CEP70: variants seen among roughly 807,000 people sequenced by gnomAD.
CEP70 encodes centrosomal protein of 70 kDa.
CEP70 carries 70 observed loss-of-function variants against 90.9 expected under a neutral mutation model. That is an observed-to-expected ratio of 0.77 (90% CI 0.64 to 0.94). The LOEUF is 0.94. Ranked by LOEUF, CEP70 falls within the 40% of genes least tolerant of loss-of-function variation. The probability of loss-of-function intolerance (pLI) is 0.00; values close to 1 mark genes in which losing one functional copy is unlikely to be tolerated. For synonymous variants in CEP70, 220 were observed against 228.3 expected, an observed-to-expected ratio of 0.96 and a Z score of 0.33; for missense variants, 648 against 669.0, an observed-to-expected ratio of 0.97 and a Z score of 0.35.
intron 6 of CEP70, among the ~76,000 whole-genome samples, chr3:138,538,713 C>T (rs1417548845): frequency 1.3e-5 from 2 of 152,116 alleles, no homozygotes; most frequent in Non-Finnish European, 2.9e-5. Context: ...TTCTTCAGAT[C>T]AAGAATCCTT....
intron 11 of CEP70, among the ~76,000 whole-genome samples, chr3:138,522,486 TAAA>T (rs1199094401): frequency 6.6e-6 from 1 of 151,336 alleles, no homozygotes; most frequent in Non-Finnish European, 1.5e-5. Flanking sequence ...GCAAGACTAA[TAAA>T]GAAGAAAAGA....
At chr3:138,543,432 C>T (rs2038923559) in intron 6 of CEP70, among the ~76,000 whole-genome samples, 1 of 152,244 alleles carries the variant, frequency 6.6e-6, no homozygotes, top group Non-Finnish European at 1.5e-5. Flanking sequence ...TCACTCTACA[C>T]CAGAGTGGGT....
At chr3:138,522,663 G>A (rs962367535) in intron 11 of CEP70, among the ~76,000 whole-genome samples, 4 of 152,212 alleles carry the variant, frequency 2.6e-5, no homozygotes, top group South Asian at 4.1e-4. Flanking sequence ...ACCCTCCCAA[G>A]ACTAAACCAG....
At chr3:138,576,756 C>G (rs1414432896) in intron 2 of CEP70, among the ~76,000 whole-genome samples, 2 of 152,240 alleles carry the variant, frequency 1.3e-5, no homozygotes, top group Non-Finnish European at 2.9e-5. Context: ...AACTGTCTCT[C>G]AGACCACAGT....
intron 14 of CEP70, 83 bp from the exon 15 acceptor site, chr3:138,500,650 TC>T (rs1462167639): frequency 6.7e-7 from 1 of 1,498,102 alleles, no homozygotes; most frequent in African/African-American, 1.4e-5. Flanking sequence ...CAAATAGAAC[TC>T]TAGTAGAACA....
At chr3:138,566,082 T>C (rs2040765514) in intron 6 of CEP70, among the ~76,000 whole-genome samples, 1 of 152,142 alleles carries the variant, frequency 6.6e-6, no homozygotes, top group African/African-American at 2.4e-5. Context: ...AAAAAGCTCA[T>C]TATCACTGGT....
At chr3:138,544,549 G>GTA in intron 6 of CEP70, among the ~76,000 whole-genome samples, 3 of 151,118 alleles carry the variant, frequency 2.0e-5, no homozygotes, top group African/African-American at 7.4e-5. Flanking sequence ...GTGTGTGTGT[G>GTA]TGTATATATA....
Position 138,505,477 on chromosome 3 carries a change from C to G in CEP70, c.1051-12G>C, listed in dbSNP as rs773761375. 5 of 1,549,860 alleles carry G rather than the reference C, an allele frequency of 3.2e-6. No individual in the cohort carries two copies. The East Asian group carries it at 1.1e-4, about 36-fold the overall frequency. On this transcript the variant is annotated splice_polypyrimidine_tract_variant and intron_variant, in intron 12 of 17. Coordinates refer to ENST00000264982, the MANE Select transcript of CEP70 (RefSeq NM_024491.4). ...ATGCTACACAGCACCTTTAAAAAAA[C>G]ATAGTGTATATAGTCAAAATATTTA...
intron 2 of CEP70, among the ~76,000 whole-genome samples, chr3:138,588,000 T>G (rs2042188373): frequency 6.8e-6 from 1 of 146,286 alleles, no homozygotes; most frequent in Admixed American, 6.8e-5. Flanking sequence ...AAAACGATAG[T>G]TTTTTTTTTT....
Position 138,501,897 on chromosome 3 carries a change from T to C in CEP70, c.1222-1016A>G, listed in dbSNP as rs78484038. 7.1e-3 allele frequency among the ~76,000 whole-genome samples: 1,075 copies of C among 152,310 alleles called. 13 individuals carry two copies. Among genetic ancestry groups the C allele is most frequent in the African/African-American group, 0.025 (1,029 of 41,574 alleles). On this transcript the variant is annotated intron_variant, in intron 13 of 17. Transcript: ENST00000264982. ...TCTGAATTTCGGATTTTTGGATCAG[T>C]GATGCTCAAATGGCATATATTCTGC... is the stretch of plus-strand genomic sequence containing the variant.
intron 3 of CEP70, among the ~76,000 whole-genome samples, chr3:138,572,615 A>T (rs1375146250): frequency 6.6e-6 from 1 of 152,230 alleles, no homozygotes; most frequent in Non-Finnish European, 1.5e-5. Context: ...ACAGAACACT[A>T]GTCTAATGAA....
At chr3:138,581,520 G>A (rs570699148) in intron 2 of CEP70, among the ~76,000 whole-genome samples, 4 of 151,050 alleles carry the variant, frequency 2.6e-5, no homozygotes, top group Non-Finnish European at 4.4e-5. Flanking sequence ...CCTGGCCAAC[G>A]TGGTGAAACC....
intron 1 of CEP70, among the ~76,000 whole-genome samples, chr3:138,593,304 C>A (rs2108303923): frequency 6.6e-6 from 1 of 152,268 alleles, no homozygotes; most frequent in Non-Finnish European, 1.5e-5. Flanking sequence ...CTCACAGCAA[C>A]CTCCGCCTCC....
In CEP70 at chr3:138,498,028, T is replaced by C; in HGVS notation, c.1732+3A>G. On this transcript the variant is annotated splice_donor_region_variant and intron_variant, in intron 17 of 17. Coordinates refer to ENST00000264982, the MANE Select transcript of CEP70 (RefSeq NM_024491.4). ...ATTTCACCATCACCACCAGAGATCT[T>C]ACCTAAGATTTCAAGTAGATCATTA... 1 of 1,612,290 alleles carries C rather than the reference T, an allele frequency of 6.2e-7. No homozygotes were observed. Among genetic ancestry groups the C allele is most frequent in the Non-Finnish European group, 8.5e-7 (1 of 1,179,366 alleles).
chr3:138,547,797 A>G (rs2039324824), intron 6 of CEP70, among the ~76,000 whole-genome samples: 1 of 152,132 alleles, frequency 6.6e-6, no homozygotes, highest in Non-Finnish European at 1.5e-5. Flanking sequence ...AAAAGGGATG[A>G]TTCATGTCCT....
chr3:138,525,532 T>A lies in CEP70; in HGVS notation c.902A>T (p.Gln301Leu), dbSNP rs373284096. ...GGCTTTTTCCAGCTTCTTCACCTGC[T>A]GTTTATAAAGTCTTAATTCATGCTG... ...PTQHELRLYK[Q>L]QVKKLEKALK... Residue 301 changes from glutamine to leucine, a missense_variant, in exon 11 of 18, where the codon CAG (glutamine) becomes CTG (leucine). By Grantham distance (113) the Gln-to-Leu change is moderately radical. Coordinates refer to ENST00000264982, the MANE Select transcript of CEP70 (RefSeq NM_024491.4). 1 of 1,422,540 alleles carries A rather than the reference T, an allele frequency of 7.0e-7. No individual in the cohort carries two copies. The highest frequency in any genetic ancestry group is 9.3e-7 in the Non-Finnish European group (1 of 1,081,002). 88.1% of individuals were successfully genotyped at this position (1,422,540 alleles called of 1,614,324 possible). A position where few individuals can be genotyped will look rare whatever the true frequency, so the allele number is the denominator to read the frequency against.
intron 2 of CEP70, among the ~76,000 whole-genome samples, chr3:138,589,756 T>C (rs1157996994): frequency 2.0e-5 from 3 of 152,170 alleles, no homozygotes; most frequent in Non-Finnish European, 4.4e-5. Context: ...CTGACTTTGA[T>C]ACCAATACTT....
chr3:138,582,023 T>C (rs1225140709), intron 2 of CEP70, among the ~76,000 whole-genome samples: 1 of 152,192 alleles, frequency 6.6e-6, no homozygotes, highest in African/African-American at 2.4e-5. Context: ...CAAACATGAA[T>C]GAGCAATAAG....
At chr3:138,509,762 T>A (rs545655836) in intron 11 of CEP70, among the ~76,000 whole-genome samples, 2 of 152,148 alleles carry the variant, frequency 1.3e-5, no homozygotes, top group African/African-American at 4.8e-5. Context: ...CCATCCCACC[T>A]AGGATGTGAT....
Sources: gnomAD v4.1 joint callset for allele counts (sites outside exome capture counted in the v4.1 genomes callset) on GRCh38, gnomAD v4.1.1 for gene constraint, MANE v1.5 for transcripts, NCBI Gene and HGNC (gene_info 2026-07-23, HGNC 2026-07-21) for gene names.